Variants in PRUNE2 observed in about 807,000 individuals in gnomAD.
PRUNE2 encodes the protein prune homolog 2 with BCH domain.
In PRUNE2, 164 loss-of-function variants were observed where a neutral mutation model predicts 252.0. The ratio of observed to expected loss-of-function variants is 0.65; its 90% CI spans 0.57 to 0.74. The LOEUF (loss-of-function observed/expected upper bound fraction) is 0.74, where lower values mean the gene tolerates loss of function less well. Among genes scored for constraint, PRUNE2 ranks in the 30% least tolerant of loss-of-function variants. The pLI is 0.00. For missense variants in PRUNE2, 3,495 were observed against 3,711.0 expected, an observed-to-expected ratio of 0.94 and a Z score of 1.51; for synonymous variants, 1,292 against 1,350.2, an observed-to-expected ratio of 0.96 and a Z score of 0.94.
At chr9:76,698,108 G>A (rs1024796417) in intron 9 of PRUNE2, among the ~76,000 whole-genome samples, 3 of 151,482 alleles carry the variant, frequency 2.0e-5, no homozygotes, top group Admixed American at 6.6e-5. Context: ...ATGAAGTGGT[G>A]TGATCTCGGC....
chr9:76,899,551 G>A (rs2063045328), intron 1 of PRUNE2, among the ~76,000 whole-genome samples: 1 of 152,006 alleles, frequency 6.6e-6, no homozygotes, highest in South Asian at 2.1e-4. Context: ...CCACTACAAA[G>A]TGTCATGCTT....
intron 12 of PRUNE2, chr9:76,642,015 A>G: frequency 1.5e-6 from 2 of 1,345,154 alleles, no homozygotes; most frequent in Non-Finnish European, 2.0e-6. Context: ...AAAAAAAAAA[A>G]AAGAAAAGAA....
At chr9:76,704,679 A>T in intron 8 of PRUNE2, 82 bp downstream of exon 8, 2 of 965,976 alleles carry the variant, frequency 2.1e-6, no homozygotes, top group Non-Finnish European at 3.1e-6. Flanking sequence ...CCTCATTGGT[A>T]GGAAGAGTGT....
At chr9:76,831,575 C>T (rs2058678875) in intron 4 of PRUNE2, among the ~76,000 whole-genome samples, 1 of 151,902 alleles carries the variant, frequency 6.6e-6, no homozygotes, top group Non-Finnish European at 1.5e-5. Context: ...GTTTTAGGTT[C>T]TAAGATTGTC....
chr9:76,893,221 C>T (rs1055059125), intron 1 of PRUNE2, among the ~76,000 whole-genome samples: 1 of 151,926 alleles, frequency 6.6e-6, no homozygotes, highest in Admixed American at 6.6e-5. Flanking sequence ...CTCCAGCCTG[C>T]GTAACAGAAG....
chr9:76,710,778 G>C lies in PRUNE2; in HGVS notation c.1496C>G (p.Ala499Gly), dbSNP rs776977198. Residue 499 changes from alanine to glycine, a missense_variant, in exon 8 of 19, where the codon GCA (alanine) becomes GGA (glycine). Transcript: ENST00000376718. The stretch of plus-strand genomic sequence containing the variant: ...CTGGGACTGCCCAGAAGCCATGGGT[G>C]CTGGGTCAAAATTGAAGAGGTCGAA... ...EHFDLFNFDPAPMASGQSQQS... is the reference protein window; with the variant it reads ...EHFDLFNFDPGPMASGQSQQS... 2 of 1,598,422 alleles carry C rather than the reference G, an allele frequency of 1.3e-6. No homozygotes were observed. Among genetic ancestry groups the C allele is most frequent in the South Asian group, 1.1e-5 (1 of 87,904 alleles).
intron 6 of PRUNE2, among the ~76,000 whole-genome samples, chr9:76,783,487 G>A (rs1166176055): frequency 6.6e-6 from 1 of 152,178 alleles, no homozygotes; most frequent in Non-Finnish European, 1.5e-5. Flanking sequence ...AGAATGGTGT[G>A]TGTCAGGCAC....
chr9:76,634,760 T>G (rs1839257711), intron 15 of PRUNE2, among the ~76,000 whole-genome samples: 1 of 152,240 alleles, frequency 6.6e-6, no homozygotes, highest in Non-Finnish European at 1.5e-5. Flanking sequence ...AGTTTATCTT[T>G]TAACATTACT....
intron 12 of PRUNE2, 31 bp downstream of exon 12, chr9:76,644,708 C>T (rs748831405): frequency 9.3e-6 from 15 of 1,608,026 alleles, no homozygotes; most frequent in South Asian, 5.5e-5. Context: ...GCCCCTTCCC[C>T]ATTTCCCAGA....
intron 6 of PRUNE2, among the ~76,000 whole-genome samples, chr9:76,789,485 G>A (rs2055346032): frequency 1.3e-5 from 2 of 152,114 alleles, no homozygotes; most frequent in Admixed American, 1.3e-4. Flanking sequence ...GTTACTCTAG[G>A]GGGCTCCAAT....
intron 1 of PRUNE2, among the ~76,000 whole-genome samples, chr9:76,885,932 C>T (rs756154956): frequency 1.3e-5 from 2 of 151,946 alleles, no homozygotes; most frequent in Non-Finnish European, 2.9e-5. Context: ...ATAATCCCAG[C>T]ACTTTGGGAG....
intron 6 of PRUNE2, among the ~76,000 whole-genome samples, chr9:76,751,214 T>C (rs1456598270): frequency 6.6e-6 from 1 of 151,884 alleles, no homozygotes; most frequent in Non-Finnish European, 1.5e-5. Flanking sequence ...CTAGATGCTC[T>C]TCACTGACAG....
intron 1 of PRUNE2, among the ~76,000 whole-genome samples, chr9:76,883,291 A>C (rs2061900039): frequency 6.6e-6 from 1 of 152,228 alleles, no homozygotes; most frequent in African/African-American, 2.4e-5. Context: ...CCACAGTAAA[A>C]AAACATCGCA....
intron 16 of PRUNE2, among the ~76,000 whole-genome samples, chr9:76,624,830 T>C (rs1833968539): frequency 6.6e-6 from 1 of 152,164 alleles, no homozygotes; most frequent in Admixed American, 6.5e-5. Flanking sequence ...CAGGGATGTA[T>C]CTGGTTTAGT....
chr9:76,760,669 G>A (rs751864827), intron 6 of PRUNE2, among the ~76,000 whole-genome samples: 10 of 152,022 alleles, frequency 6.6e-5, no homozygotes, highest in East Asian at 1.9e-4. Context: ...TCACAGCCAC[G>A]TCCTACCTCT....
At chr9:76,829,405 A>T (rs1205308545) in intron 4 of PRUNE2, among the ~76,000 whole-genome samples, 3 of 152,216 alleles carry the variant, frequency 2.0e-5, no homozygotes, top group African/African-American at 7.2e-5. Flanking sequence ...TTAGTTAAGT[A>T]ACCCGGTTTT....
At chr9:76,877,585 C>T (rs982850000) in intron 1 of PRUNE2, among the ~76,000 whole-genome samples, 7 of 152,064 alleles carry the variant, frequency 4.6e-5, no homozygotes, top group Non-Finnish European at 4.4e-5. Context: ...AGGTGTCCTT[C>T]TAGGAACCCC....
chr9:76,872,125 C>T (rs2061239176), intron 1 of PRUNE2, among the ~76,000 whole-genome samples: 1 of 152,116 alleles, frequency 6.6e-6, no homozygotes, highest in Non-Finnish European at 1.5e-5. Context: ...CCCTGGAACC[C>T]TGTGCCCTCA....
chr9:76,711,340 C>T lies in PRUNE2; in HGVS notation c.934G>A (p.Glu312Lys), dbSNP rs1178666433. ...AGTTCTAGGCAAGGGTTCTGACACTCTTCCAGCTCACAGCAAATCTGTCGG... is the reference window on the plus strand; with the variant it reads ...AGTTCTAGGCAAGGGTTCTGACACTTTTCCAGCTCACAGCAAATCTGTCGG... ...LCSQICCELE[E>K]CQNPCLELEP... Residue 312 changes from glutamate to lysine, a missense_variant, in exon 8 of 19, where the codon GAG (glutamate) becomes AAG (lysine). Physicochemically the swap from Glu to Lys is moderately conservative, Grantham distance 56 (BLOSUM62 1). Transcript: ENST00000376718. 2.5e-6 allele frequency: 4 copies of T among 1,611,152 alleles called. No homozygotes were observed. Among genetic ancestry groups the T allele is most frequent in the African/African-American group, 2.7e-5 (2 of 74,892 alleles).
Sources: gnomAD v4.1 joint callset for allele counts (sites outside exome capture counted in the v4.1 genomes callset) on GRCh38, gnomAD v4.1.1 for gene constraint, MANE v1.5 for transcripts, NCBI Gene and HGNC (gene_info 2026-07-23, HGNC 2026-07-21) for gene names.